Variants in BMP6 observed in about 807,000 individuals in gnomAD.
The protein encoded by BMP6 is VG-1-R.
BMP6 carries 17 observed loss-of-function variants against 54.1 expected under a neutral mutation model. That is an observed-to-expected ratio of 0.31 (90% CI 0.22 to 0.47). The LOEUF is 0.47. BMP6 is among the 20% of genes least tolerant of loss of function. BMP6 has a pLI of 1.00. For synonymous variants in BMP6, 328 were observed against 291.2 expected (o/e 1.13, Z -1.28); for missense variants, 720 against 690.4 (o/e 1.04, Z -0.48).
At chr6:7,741,947 T>G (rs1397699067) in intron 1 of BMP6, among the ~76,000 whole-genome samples, 1 of 152,256 alleles carries the variant, frequency 6.6e-6, no homozygotes, top group Non-Finnish European at 1.5e-5. Flanking sequence ...GTGCCTAGCA[T>G]GGTGCCTTTC....
Position 7,727,345 on chromosome 6 carries a change from G to T in BMP6, c.390G>T (p.Lys130Asn). 1 of 1,609,984 alleles carries T rather than the reference G, an allele frequency of 6.2e-7. No individual in the cohort carries two copies. The highest frequency in any genetic ancestry group is 2.2e-5 in the East Asian group (1 of 44,752). The change falls in exon 1 of 7, where the codon AAG becomes AAT. Residue 130 changes from lysine to asparagine, a missense_variant. By Grantham distance (94) the Lys-to-Asn change is moderately conservative (BLOSUM62 0). This residue lies in a region of BMP6 where 650 missense variants were observed against 556.3 expected (regional missense o/e 1.17). Transcript: ENST00000283147. ...PRGEPPPGRL[K>N]SAPLFMLDLY... ...GAGAGCCCCCTCCCGGGCGACTGAAGTCCGCGCCCCTCTTCATGCTGGATC... is the reference window on the plus strand; with the variant it reads ...GAGAGCCCCCTCCCGGGCGACTGAATTCCGCGCCCCTCTTCATGCTGGATC...
At chr6:7,855,537 A>G (rs1484035112) in intron 2 of BMP6, among the ~76,000 whole-genome samples, 1 of 100,820 alleles carries the variant, frequency 9.9e-6, no homozygotes, top group Non-Finnish European at 1.9e-5. Context: ...CTTAATCTCA[A>G]TCTCTCTCTC....
chr6:7,806,287 TTAGTACCTATTGCTTCTACATGTGAA>T (rs1254768446), intron 1 of BMP6, among the ~76,000 whole-genome samples: 1 of 152,256 alleles, frequency 6.6e-6, no homozygotes, highest in Non-Finnish European at 1.5e-5. Flanking sequence ...TTGATTTCTC[TTAGTACCTATTGCTTCTACATGTGAA>T]TAGGCAATCT....
chr6:7,736,693 G>A (rs1340725568), intron 1 of BMP6, among the ~76,000 whole-genome samples: 1 of 152,218 alleles, frequency 6.6e-6, no homozygotes, highest in Non-Finnish European at 1.5e-5. Flanking sequence ...TGTGGTAACT[G>A]AAGAGCAGTT....
chr6:7,767,079 C>T (rs1202838480), intron 1 of BMP6, among the ~76,000 whole-genome samples: 3 of 151,418 alleles, frequency 2.0e-5, no homozygotes, highest in East Asian at 1.9e-4. Context: ...CTCCACCTCC[C>T]GGGTTCACGC....
chr6:7,792,724 C>T (rs1758128682), intron 1 of BMP6, among the ~76,000 whole-genome samples: 1 of 152,166 alleles, frequency 6.6e-6, no homozygotes, highest in African/African-American at 2.4e-5. Context: ...TGCTTGATGG[C>T]AGGGAATGGT....
chr6:7,875,286 C>T (rs1759595391), intron 4 of BMP6, among the ~76,000 whole-genome samples: 1 of 152,170 alleles, frequency 6.6e-6, no homozygotes, highest in Admixed American at 6.5e-5. Flanking sequence ...GGAGATGATA[C>T]CTATCCGTGT....
chr6:7,744,722 T>C (rs1456441737), intron 1 of BMP6, among the ~76,000 whole-genome samples: 1 of 152,180 alleles, frequency 6.6e-6, no homozygotes, highest in Non-Finnish European at 1.5e-5. Context: ...GCATGGGTGG[T>C]CCAGGAGTCA....
chr6:7,740,411 C>A (rs542784408), intron 1 of BMP6, among the ~76,000 whole-genome samples: 2 of 151,890 alleles, frequency 1.3e-5, no homozygotes, highest in African/African-American at 2.4e-5. Context: ...TTTGGGTCCA[C>A]GAAAATTCAT....
chr6:7,726,841 C>A lies in BMP6; in HGVS notation c.-115C>A. 3.4e-6 allele frequency: 2 copies of A among 590,568 alleles called. No homozygotes were observed. Among genetic ancestry groups the A allele is most frequent in the Non-Finnish European group, 4.4e-6 (2 of 458,720 alleles). 36.6% of individuals were successfully genotyped at this position (590,568 alleles called of 1,614,324 possible). On this transcript the variant is annotated 5_prime_UTR_variant, in exon 1 of 7. Coordinates refer to ENST00000283147, the MANE Select transcript of BMP6 (RefSeq NM_001718.6). ...CTGAGGGCCAGGAAGGGGAAGCGAG[C>A]CCGCCGAGAGGTGGCGGGGACTGCT...
At chr6:7,789,804 C>T (rs925541400) in intron 1 of BMP6, among the ~76,000 whole-genome samples, 1 of 152,190 alleles carries the variant, frequency 6.6e-6, no homozygotes, top group African/African-American at 2.4e-5. Flanking sequence ...ATGAAGCAGG[C>T]TCTTTAGGCC....
intron 2 of BMP6, among the ~76,000 whole-genome samples, chr6:7,851,424 AC>A (rs1759140549): frequency 6.6e-6 from 1 of 152,198 alleles, no homozygotes; most frequent in Non-Finnish European, 1.5e-5. Context: ...CATATAGCAT[AC>A]CATTGATTTT....
chr6:7,834,788 G>A (rs1321281902), intron 1 of BMP6, among the ~76,000 whole-genome samples: 1 of 152,210 alleles, frequency 6.6e-6, no homozygotes, highest in East Asian at 1.9e-4. Flanking sequence ...CCTAAATCTA[G>A]TCCAGAGATC....
At chr6:7,754,700 G>A (rs1005087006) in intron 1 of BMP6, among the ~76,000 whole-genome samples, 1 of 152,046 alleles carries the variant, frequency 6.6e-6, no homozygotes, top group African/African-American at 2.4e-5. Flanking sequence ...ACGGCATAAT[G>A]TTCTAACCTT....
intron 1 of BMP6, among the ~76,000 whole-genome samples, chr6:7,757,078 A>G (rs1304209876): frequency 2.6e-5 from 4 of 151,932 alleles, no homozygotes; most frequent in South Asian, 2.1e-4. Context: ...GCCTTCCCAA[A>G]CTCCAATCTC....
intron 1 of BMP6, among the ~76,000 whole-genome samples, chr6:7,738,446 C>T (rs941786409): frequency 1.3e-5 from 2 of 152,136 alleles, no homozygotes; most frequent in African/African-American, 2.4e-5. Context: ...CTCCTCCCTC[C>T]TTCATAAGAG....
chr6:7,756,058 T>G (rs1757510088), intron 1 of BMP6, among the ~76,000 whole-genome samples: 1 of 152,094 alleles, frequency 6.6e-6, no homozygotes, highest in African/African-American at 2.4e-5. Context: ...TCTGTGAGTT[T>G]ATAGTTTTAT....
chr6:7,807,945 G>C (rs1051198622), intron 1 of BMP6, among the ~76,000 whole-genome samples: 37 of 137,724 alleles, frequency 2.7e-4, no homozygotes, highest in East Asian at 2.3e-3. Flanking sequence ...TTTTGAGACG[G>C]AGTCTTGCTC....
intron 1 of BMP6, among the ~76,000 whole-genome samples, chr6:7,813,106 A>ATATATATATATATATAT (rs1758459682): frequency 2.9e-5 from 1 of 33,984 alleles, no homozygotes; most frequent in Non-Finnish European, 5.1e-5. Context: ...AAAAAAAAAA[A>ATATATATATATATATAT]AAATATATAT....
Sources: gnomAD v4.1 joint callset for allele counts (sites outside exome capture counted in the v4.1 genomes callset) on GRCh38, gnomAD v4.1.1 for gene constraint, gnomAD v4.1.1 regional missense constraint, MANE v1.5 for transcripts, NCBI Gene and HGNC (gene_info 2026-07-23, HGNC 2026-07-21) for gene names.